Variants in ZEB2 observed in about 807,000 individuals in gnomAD.
ZEB2 encodes the protein zinc finger E-box binding homeobox 2.
A neutral mutation model predicts 99.9 loss-of-function variants in ZEB2; 6 were observed. The ratio of observed to expected loss-of-function variants is 0.06; its 90% CI spans 0.03 to 0.12. The LOEUF (loss-of-function observed/expected upper bound fraction) is 0.12. Ranked by LOEUF, ZEB2 falls within the 10% of genes least tolerant of loss-of-function variation. The pLI, the probability that ZEB2 is intolerant of heterozygous loss-of-function variation, is 1.00. For missense variants in ZEB2, 969 were observed against 1,502.8 expected, an observed-to-expected ratio of 0.64 and a Z score of 5.87; for synonymous variants, 517 against 542.5, an observed-to-expected ratio of 0.95 and a Z score of 0.65.
At chr2:144,496,087 A>G (rs995777223) in intron 2 of ZEB2, 10 of 152,276 alleles carry the variant, frequency 6.6e-5, no homozygotes, top group Non-Finnish European at 1.5e-4. Flanking sequence ...TTGTTACAAA[A>G]TGTTAGCAGC....
intron 4 of ZEB2, among the ~76,000 whole-genome samples, chr2:144,415,793 A>T (rs1490783652): frequency 1.3e-5 from 2 of 152,248 alleles, no homozygotes; most frequent in African/African-American, 4.8e-5. Flanking sequence ...GGAGAAGAGC[A>T]GACCTAACCT....
At chr2:144,394,792 C>A (rs1416251918) in intron 9 of ZEB2, among the ~76,000 whole-genome samples, 1 of 152,110 alleles carries the variant, frequency 6.6e-6, no homozygotes, top group Non-Finnish European at 1.5e-5. Flanking sequence ...TATTTATCAA[C>A]CTTGTTGCTT....
intron 2 of ZEB2, among the ~76,000 whole-genome samples, chr2:144,494,078 G>T (rs1420461698): frequency 6.6e-6 from 1 of 151,034 alleles, no homozygotes; most frequent in African/African-American, 2.4e-5. Context: ...CCTGAACCCG[G>T]GAGGCGGAGC....
At chr2:144,440,509 ATATATATTTTTTTTTTTTTTTTT>A (rs1408835458) in intron 2 of ZEB2, among the ~76,000 whole-genome samples, 10 of 28,950 alleles carry the variant, frequency 3.5e-4, no homozygotes, top group Admixed American at 8.7e-4. Flanking sequence ...ATATATATAT[ATATATATTTTTTTTTTTTTTTTT>A]TTTTTTTTTT....
chr2:144,398,767 G>T lies in ZEB2; in HGVS notation c.2420C>A (p.Ser807Tyr). The T allele has an allele frequency of 6.2e-7, 1 of 1,614,146 alleles. No individual in the cohort carries two copies. The highest frequency in any genetic ancestry group is 8.5e-7 in the Non-Finnish European group (1 of 1,180,018). Reference protein sequence around the residue: ...HSSSYTPNSFSSEELQAEPLD... With the variant: ...HSSSYTPNSFYSEELQAEPLD... ...AGGCTCAGCCTGGAGCTCCTCAGAAGAGAAGCTGTTTGGAGTGTATGAACT... is the reference window on the plus strand; with the variant it reads ...AGGCTCAGCCTGGAGCTCCTCAGAATAGAAGCTGTTTGGAGTGTATGAACT... The change falls in exon 8 of 10, where the codon TCT becomes TAT. Residue 807 changes from serine (S) to tyrosine (Y), a missense_variant. Physicochemically the swap from Ser to Tyr is moderately radical, Grantham distance 144. This residue lies in a region of ZEB2 where 346 missense variants were observed against 460.0 expected (regional missense o/e 0.75). Coordinates refer to ENST00000627532, the MANE Select transcript of ZEB2 (RefSeq NM_014795.4).
intron 2 of ZEB2, among the ~76,000 whole-genome samples, chr2:144,469,946 C>G (rs1371544182): frequency 6.6e-6 from 1 of 152,166 alleles, no homozygotes; most frequent in Non-Finnish European, 1.5e-5. Flanking sequence ...CAACTTCACG[C>G]TGTATTACAC....
At chr2:144,467,152 C>T (rs1704283052) in intron 2 of ZEB2, among the ~76,000 whole-genome samples, 1 of 148,572 alleles carries the variant, frequency 6.7e-6, no homozygotes, top group African/African-American at 2.4e-5. Flanking sequence ...TGATTATACC[C>T]ATTGTTAAAT....
intron 2 of ZEB2, among the ~76,000 whole-genome samples, chr2:144,455,983 A>T (rs1463285208): frequency 6.6e-6 from 1 of 152,158 alleles, no homozygotes; most frequent in African/African-American, 2.4e-5. Flanking sequence ...CTCTTCTTTA[A>T]CTCTGACTAG....
intron 4 of ZEB2, among the ~76,000 whole-genome samples, chr2:144,418,418 G>C (rs1301913550): frequency 6.6e-6 from 1 of 152,158 alleles, no homozygotes; most frequent in East Asian, 1.9e-4. Flanking sequence ...GCCAGGCCTG[G>C]TGGCTCATGC....
chr2:144,472,794 T>C (rs976032559), intron 2 of ZEB2, among the ~76,000 whole-genome samples: 1 of 151,728 alleles, frequency 6.6e-6, no homozygotes, highest in African/African-American at 2.4e-5. Context: ...TCTGAAGAAG[T>C]GTGAGAACGA....
intron 2 of ZEB2, among the ~76,000 whole-genome samples, chr2:144,447,844 T>C (rs957866729): frequency 1.2e-4 from 19 of 152,226 alleles, no homozygotes; most frequent in African/African-American, 4.6e-4. Context: ...TCCTGCCTGA[T>C]AGACATTTTA....
At chr2:144,477,340 A>C (rs1704444066) in intron 2 of ZEB2, among the ~76,000 whole-genome samples, 1 of 152,230 alleles carries the variant, frequency 6.6e-6, no homozygotes, top group African/African-American at 2.4e-5. Flanking sequence ...TAAAAGTAAA[A>C]CTAAAAGCCC....
chr2:144,506,362 T>C (rs1398708051), intron 2 of ZEB2, among the ~76,000 whole-genome samples: 1 of 152,190 alleles, frequency 6.6e-6, no homozygotes, highest in Non-Finnish European at 1.5e-5. Flanking sequence ...AGAGCAAAGG[T>C]GATGGGAAAT....
chr2:144,400,159 C>T lies in ZEB2; in HGVS notation c.1028G>A (p.Arg343Gln), dbSNP rs746958005. The change falls in exon 8 of 10, where the codon CGA becomes CAA. Residue 343 changes from arginine to glutamine, a missense_variant. By Grantham distance (43) the Arg-to-Gln change is conservative. This residue lies in a region of ZEB2 where 9 missense variants were observed against 77.3 expected (regional missense o/e 0.12). Coordinates refer to ENST00000627532, the MANE Select transcript of ZEB2 (RefSeq NM_014795.4). ...ACCCGTCTTGATATTGTTTCTCATT[C>T]GGCCATTTACAGAGATTAAACCAAT... Reference protein sequence around the residue: ...KCIGLISVNGRMRNNIKTGSS... With the variant: ...KCIGLISVNGQMRNNIKTGSS... The T allele has an allele frequency of 3.1e-6, 5 of 1,613,776 alleles. No homozygotes were observed. Among genetic ancestry groups the T allele is most frequent in the African/African-American group, 1.3e-5 (1 of 74,930 alleles).
intron 2 of ZEB2, among the ~76,000 whole-genome samples, chr2:144,510,359 C>T (rs929142075): frequency 6.6e-6 from 1 of 152,200 alleles, no homozygotes; most frequent in East Asian, 1.9e-4. Flanking sequence ...CCCTCCCACC[C>T]CCAGGGCCCT....
chr2:144,507,035 T>C (rs1005583816), intron 2 of ZEB2, among the ~76,000 whole-genome samples: 1 of 152,202 alleles, frequency 6.6e-6, no homozygotes, highest in Admixed American at 6.5e-5. Flanking sequence ...CCTTAGTTTA[T>C]CCTGAAGATT....
Position 144,424,788 on chromosome 2 carries a change from T to A in ZEB2, c.403+8A>T. 1 of 1,614,052 alleles carries A rather than the reference T, an allele frequency of 6.2e-7. No individual in the cohort carries two copies. Among genetic ancestry groups the A allele is most frequent in the African/African-American group, 1.3e-5 (1 of 75,050 alleles). The stretch of plus-strand genomic sequence containing the variant: ...AAATGTGATCTGAGCGTGGCCAACA[T>A]AACTCACCTGTACCATTGTTAATTG... On this transcript the variant is annotated splice_region_variant and intron_variant, in intron 4 of 9. Coordinates refer to ENST00000627532, the MANE Select transcript of ZEB2 (RefSeq NM_014795.4).
At chr2:144,424,671 C>T (rs1441753230) in intron 4 of ZEB2, 125 bp downstream of exon 4, 1 of 1,151,100 alleles carries the variant, frequency 8.7e-7, no homozygotes, top group Non-Finnish European at 1.3e-6. Flanking sequence ...AACCAGAGAC[C>T]TGTAAAGTTG....
chr2:144,498,428 G>A (rs1185927219), intron 2 of ZEB2, among the ~76,000 whole-genome samples: 1 of 151,648 alleles, frequency 6.6e-6, no homozygotes, highest in African/African-American at 2.4e-5. Flanking sequence ...CGGATCTTAT[G>A]TTCACAGGTC....
Sources: gnomAD v4.1 joint callset for allele counts (sites outside exome capture counted in the v4.1 genomes callset) on GRCh38, gnomAD v4.1.1 for gene constraint, gnomAD v4.1.1 regional missense constraint, MANE v1.5 for transcripts, NCBI Gene and HGNC (gene_info 2026-07-23, HGNC 2026-07-21) for gene names.